ZSWIM6: variants seen among roughly 807,000 people sequenced by gnomAD.
ZSWIM6 encodes zinc finger SWIM domain-containing protein 6.
Under a neutral mutation model 113.2 loss-of-function variants are expected in ZSWIM6, and 9 were observed. The observed-to-expected ratio is 0.08, with a 90% CI of 0.05 to 0.14. ZSWIM6 has a LOEUF of 0.14. ZSWIM6 is among the 10% of genes least tolerant of loss of function. ZSWIM6 has a pLI of 1.00. For synonymous variants in ZSWIM6, 611 were observed against 606.5 expected, an observed-to-expected ratio of 1.01 and a Z score of -0.11; for missense variants, 1,162 against 1,552.2, an observed-to-expected ratio of 0.75 and a Z score of 4.22.
At chr5:61,382,913 T>A (rs754195540) in intron 1 of ZSWIM6, among the ~76,000 whole-genome samples, 15 of 152,206 alleles carry the variant, frequency 9.9e-5, no homozygotes, top group Non-Finnish European at 1.6e-4. Context: ...CAGATTAAGA[T>A]ACAGAATGTC....
chr5:61,514,710 C>T (rs1328887919), intron 4 of ZSWIM6, among the ~76,000 whole-genome samples: 1 of 152,000 alleles, frequency 6.6e-6, no homozygotes, highest in Admixed American at 6.6e-5. Context: ...CTTTGCATTC[C>T]TGTGATAAAC....
intron 1 of ZSWIM6, among the ~76,000 whole-genome samples, chr5:61,444,690 A>T (rs1336025003): frequency 1.3e-5 from 2 of 152,140 alleles, no homozygotes; most frequent in Non-Finnish European, 2.9e-5. Context: ...TGTGTTTTTG[A>T]TATTAATGTT....
At chr5:61,519,766 AACCTTTTTG>A (rs984278869) in intron 4 of ZSWIM6, among the ~76,000 whole-genome samples, 2 of 152,084 alleles carry the variant, frequency 1.3e-5, no homozygotes, top group African/African-American at 4.8e-5. Context: ...AGCAGTCCCC[AACCTTTTTG>A]GCACCAGGGA....
intron 1 of ZSWIM6, 63 bp downstream of exon 1, chr5:61,333,011 G>GCCCCCC: frequency 3.0e-6 from 3 of 1,003,762 alleles, no homozygotes; most frequent in Non-Finnish European, 3.7e-6. Flanking sequence ...GGGGGGGGGT[G>GCCCCCC]CCCGCCTTTC....
At chr5:61,373,384 T>G (rs1174004496) in intron 1 of ZSWIM6, among the ~76,000 whole-genome samples, 1 of 147,114 alleles carries the variant, frequency 6.8e-6, no homozygotes, top group East Asian at 1.9e-4. Context: ...TTTTTTTTTT[T>G]TTTTTTTTTT....
intron 1 of ZSWIM6, among the ~76,000 whole-genome samples, chr5:61,386,207 C>T (rs1331656885): frequency 2.0e-5 from 3 of 152,328 alleles, no homozygotes; most frequent in East Asian, 1.9e-4. Flanking sequence ...CAGGGAAACA[C>T]AGACCTCAGA....
Position 61,332,863 on chromosome 5 carries a change from G to T in ZSWIM6, c.591G>T (p.Ala197=). 1.6e-6 allele frequency: 2 copies of T among 1,220,778 alleles called. No homozygotes were observed. The highest frequency in any genetic ancestry group is 2.1e-6 in the Non-Finnish European group (2 of 961,140). The allele number at this position is 1,220,778 out of a possible 1,614,324, so 75.6% of individuals were successfully genotyped here. A position where few individuals can be genotyped will look rare whatever the true frequency, so the allele number is the denominator to read the frequency against. The change falls in exon 1 of 14, where the codon GCG becomes GCT. Residue 197 remains alanine, a synonymous_variant. Transcript: ENST00000252744. ...CGTCGGTGGGGGCTGCCGGGGCGGC[G>T]GACGGCGGCGACGAGACGCGGCTGC... ...GAPSVGAAGA[A]DGGDETRLPF...
At chr5:61,342,105 C>T (rs1744563544) in intron 1 of ZSWIM6, among the ~76,000 whole-genome samples, 1 of 152,000 alleles carries the variant, frequency 6.6e-6, no homozygotes, top group South Asian at 2.1e-4. Flanking sequence ...GTCTTGCACT[C>T]CTGACCTCAA....
At chr5:61,356,225 A>C (rs571313350) in intron 1 of ZSWIM6, among the ~76,000 whole-genome samples, 21 of 152,164 alleles carry the variant, frequency 1.4e-4, no homozygotes, top group Non-Finnish European at 2.5e-4. Flanking sequence ...CAGCCTCCCA[A>C]ATAGCTGGGA....
intron 1 of ZSWIM6, among the ~76,000 whole-genome samples, chr5:61,441,847 A>G (rs1035336640): frequency 1.3e-5 from 2 of 152,172 alleles, no homozygotes; most frequent in Admixed American, 1.3e-4. Flanking sequence ...GCCACCTTAC[A>G]GTGTTTGGTC....
At chr5:61,386,286 A>G (rs931656892) in intron 1 of ZSWIM6, among the ~76,000 whole-genome samples, 1 of 152,038 alleles carries the variant, frequency 6.6e-6, no homozygotes, top group Non-Finnish European at 1.5e-5. Flanking sequence ...ATTTGCCCGG[A>G]GTGATTTGCC....
intron 1 of ZSWIM6, among the ~76,000 whole-genome samples, chr5:61,444,777 G>A (rs1746914867): frequency 6.6e-6 from 1 of 152,108 alleles, no homozygotes; most frequent in East Asian, 1.9e-4. Flanking sequence ...CACCTCTTCT[G>A]TGATACTCCC....
In ZSWIM6 at chr5:61,530,178, C is replaced by T; in HGVS notation, c.1964C>T (p.Ser655Phe). 1 of 1,551,316 alleles carries T rather than the reference C, an allele frequency of 6.4e-7. No individual in the cohort carries two copies. The highest frequency in any genetic ancestry group is 8.7e-7 in the Non-Finnish European group (1 of 1,146,676). The change falls in exon 8 of 14, where the codon TCT (serine) becomes TTT (phenylalanine). Residue 655 changes from serine (S) to phenylalanine (F), a missense_variant. By Grantham distance (155) the Ser-to-Phe change is radical. Around this residue, in one of 4 missense-constraint regions of ZSWIM6, gnomAD observed 620 missense variants for 804.6 expected, o/e 0.77. Transcript: ENST00000252744. Reference sequence around the variant, plus strand: ...TGCCGCATTGATGATGAGAACCTCTCTGGGTTCTCAGATTTTACAGGTAAA... The same window carrying T: ...TGCCGCATTGATGATGAGAACCTCTTTGGGTTCTCAGATTTTACAGGTAAA... ...EACRIDDENL[S>F]GFSDFTENMG...
At chr5:61,360,326 T>G (rs568059843) in intron 1 of ZSWIM6, among the ~76,000 whole-genome samples, 1 of 152,326 alleles carries the variant, frequency 6.6e-6, no homozygotes, top group East Asian at 1.9e-4. Context: ...ACAAGGGAGT[T>G]TGGAAAATAT....
At chr5:61,510,174 ACTT>A (rs1432189095) in intron 4 of ZSWIM6, among the ~76,000 whole-genome samples, 9 of 151,594 alleles carry the variant, frequency 5.9e-5, no homozygotes, top group Admixed American at 2.6e-4. Flanking sequence ...TTCATCAAAA[ACTT>A]CTTCTGCTTG....
rs758394633 is a variant in ZSWIM6 at position 61,354,879 on chromosome 5, A to C, written c.676+21931A>C. ...TTCTTAGACTGCATTTTGATCATCAACTGTATTAAGGCAATATATGTTGTA... is the reference window on the plus strand; with the variant it reads ...TTCTTAGACTGCATTTTGATCATCACCTGTATTAAGGCAATATATGTTGTA... On this transcript the variant is annotated intron_variant, in intron 1 of 13. Transcript: ENST00000252744. Among the ~76,000 whole-genome samples, 5 of 152,276 alleles carry C rather than the reference A, an allele frequency of 3.3e-5. No homozygotes were observed. The South Asian group carries it at 6.2e-4, about 19-fold the overall frequency.
chr5:61,451,120 A>G (rs990984541), intron 1 of ZSWIM6, among the ~76,000 whole-genome samples: 1 of 152,054 alleles, frequency 6.6e-6, no homozygotes. Context: ...CCTGCTTACA[A>G]CTGCACAGAA....
rs1252593637 is a variant in ZSWIM6, at chr5:61,332,459, C to T, written c.187C>T (p.Leu63=). 5 of 1,085,972 alleles carry T rather than the reference C, an allele frequency of 4.6e-6. No individual in the cohort carries two copies. The highest frequency in any genetic ancestry group is 5.6e-6 in the Non-Finnish European group (5 of 885,652). 67.3% of individuals were successfully genotyped at this position (1,085,972 alleles called of 1,614,324 possible). A position where few individuals can be genotyped will look rare whatever the true frequency, so the allele number is the denominator to read the frequency against. Residue 63 remains leucine, a synonymous_variant, in exon 1 of 14, where the codon CTG becomes TTG. Coordinates refer to ENST00000252744, the MANE Select transcript of ZSWIM6 (RefSeq NM_020928.2). ...AAAACGGGAA[L]GLLPPGKTQS... The stretch of plus-strand genomic sequence containing the variant: ...GGCGGCGTGCGGGGGCGGCGCGGCG[C>T]TGGGGTTGCTGCCGCCGGGCAAGAC...
intron 1 of ZSWIM6, among the ~76,000 whole-genome samples, chr5:61,443,317 T>C (rs143249085): frequency 6.6e-6 from 1 of 152,306 alleles, no homozygotes; most frequent in East Asian, 1.9e-4. Flanking sequence ...ATAATCATTA[T>C]AACAACCTAA....
Sources: allele counts gnomAD v4.1 joint callset (sites outside exome capture counted in the v4.1 genomes callset), GRCh38; gene constraint gnomAD v4.1.1; regional missense constraint gnomAD v4.1.1; transcripts MANE v1.5; gene names NCBI Gene and HGNC (gene_info 2026-07-23, HGNC 2026-07-21).